The following ELMOD3 variants were observed in gnomAD, a reference collection of about 807,000 sequenced individuals.
The protein encoded by ELMOD3 is ELMO domain-containing protein 3.
ELMOD3 carries 36 observed loss-of-function variants against 47.4 expected under a neutral mutation model. That is an observed-to-expected ratio of 0.76 (90% CI 0.58 to 1.00). The LOEUF (loss-of-function observed/expected upper bound fraction) is 1.00, where lower values mean the gene tolerates loss of function less well. Among genes scored for constraint, ELMOD3 ranks in the 50% least tolerant of loss-of-function variants. The pLI is 0.00. For missense variants in ELMOD3, 404 were observed against 463.8 expected, an observed-to-expected ratio of 0.87 and a Z score of 1.18; for synonymous variants, 149 against 183.5, an observed-to-expected ratio of 0.81 and a Z score of 1.52.
intron 11 of ELMOD3, among the ~76,000 whole-genome samples, chr2:85,378,945 G>A (rs1220236947): frequency 6.6e-6 from 1 of 152,152 alleles, no homozygotes; most frequent in Non-Finnish European, 1.5e-5. Flanking sequence ...AAAATACGGG[G>A]AGGAAGTGAA....
intron 13 of ELMOD3, 37 bp from the exon 14 acceptor site, chr2:85,390,723 C>T: frequency 6.5e-7 from 1 of 1,547,668 alleles, no homozygotes; most frequent in East Asian, 2.4e-5. Flanking sequence ...CCCAGAGCCC[C>T]CTCAAGCCTT....
intron 6 of ELMOD3, among the ~76,000 whole-genome samples, chr2:85,364,825 A>ATATAAT (rs375582916): frequency 1.4e-5 from 1 of 69,892 alleles, no homozygotes; most frequent in Non-Finnish European, 2.5e-5. Context: ...ATATATATAT[A>ATATAAT]TTTTTTTTTT....
chr2:85,384,596 T>C (rs1685802366), intron 11 of ELMOD3, among the ~76,000 whole-genome samples: 1 of 152,098 alleles, frequency 6.6e-6, no homozygotes, highest in Admixed American at 6.6e-5. Context: ...CCATTTTATT[T>C]TTATTTTTTA....
intron 11 of ELMOD3, among the ~76,000 whole-genome samples, chr2:85,387,431 G>T (rs1353750383): frequency 3.9e-5 from 6 of 152,178 alleles, no homozygotes. Flanking sequence ...GGAGGCTGAG[G>T]TGGGCAGATC....
chr2:85,377,155 G>C (rs965556081), intron 10 of ELMOD3, among the ~76,000 whole-genome samples, 189 bp from the exon 11 acceptor site: 1 of 152,224 alleles, frequency 6.6e-6, no homozygotes, highest in South Asian at 2.1e-4. Context: ...AGGGCGCTGG[G>C]GTCCCCATTT....
At position 85,357,221 on chromosome 2, in the gene ELMOD3, T is replaced by C. The variant is rs1683624408; in HGVS notation, c.23T>C (p.Phe8Ser). 6 of 1,608,904 alleles carry C rather than the reference T, an allele frequency of 3.7e-6. No homozygotes were observed. The highest frequency in any genetic ancestry group is 3.4e-5 in the Admixed American group (2 of 59,198). The stretch of plus-strand genomic sequence containing the variant: ...GTCATGAATGAAAAATCTTGCTCTT[T>C]CCATAGTAAAGAAGAATTAAGAGAT... MNEKSCS[F>S]HSKEELRDGQ... is the part of the protein sequence containing the mutation. Residue 8 changes from phenylalanine (F) to serine (S), a missense_variant, in exon 4 of 14, where the codon TTC becomes TCC. Physicochemically the swap from Phe to Ser is radical, Grantham distance 155. Transcript: ENST00000409013.
chr2:85,366,528 G>C (rs1490428516), intron 6 of ELMOD3, among the ~76,000 whole-genome samples: 2 of 152,150 alleles, frequency 1.3e-5, no homozygotes, highest in Non-Finnish European at 2.9e-5. Flanking sequence ...CACCTATGTT[G>C]ATAATAATAG....
Position 85,390,149 on chromosome 2 carries a change from G to A in ELMOD3, c.827G>A (p.Arg276Gln), listed in dbSNP as rs201598188. 1.4e-4 allele frequency: 225 copies of A among 1,614,040 alleles called. 1 individual carries two copies. The East Asian group carries it at 1.9e-3, about 14-fold the overall frequency. ...CCTTTTTCCTGCAGAGAGTGTAATC[G>A]GCAGCAGAAGGTCATCCCCGTGGTG... The part of the protein sequence containing the change: ...REECLSRECN[R>Q]QQKVIPVVNS... Residue 276 changes from arginine (R) to glutamine (Q), a missense_variant, in exon 13 of 14, where the codon CGG becomes CAG. Transcript: ENST00000409013.
chr2:85,363,140 C>T lies in ELMOD3; in HGVS notation c.173C>T (p.Thr58Ile), dbSNP rs371908680. The change falls in exon 6 of 14, where the codon ACA becomes ATA. Residue 58 changes from threonine to isoleucine, a missense_variant. Thr to Ile is a moderately conservative substitution (Grantham distance 89, BLOSUM62 -1). Coordinates refer to ENST00000409013, the MANE Select transcript of ELMOD3 (RefSeq NM_001135022.2). Reference sequence around the variant, plus strand: ...CATGGCATTCTCCAGGCTCTGACCACAGAAGCTTATGAATGGGAGCCACGT... The same window carrying T: ...CATGGCATTCTCCAGGCTCTGACCATAGAAGCTTATGAATGGGAGCCACGT... Reference protein sequence around the residue: ...KNHGILQALTTEAYEWEPRVV... With the variant: ...KNHGILQALTIEAYEWEPRVV... 10 of 1,612,278 alleles carry T rather than the reference C, an allele frequency of 6.2e-6. No individual in the cohort carries two copies. Among genetic ancestry groups the T allele is most frequent in the Non-Finnish European group, 8.5e-6 (10 of 1,178,548 alleles).
At chr2:85,389,712 A>G (rs1179732868) in intron 11 of ELMOD3, 39 bp from the exon 12 acceptor site, 1 of 1,577,952 alleles carries the variant, frequency 6.3e-7, no homozygotes, top group South Asian at 1.1e-5. Flanking sequence ...ACACAGTGAG[A>G]GCTGGAGTTG....
intron 11 of ELMOD3, among the ~76,000 whole-genome samples, chr2:85,386,577 G>A (rs898168849): frequency 4.6e-5 from 7 of 151,904 alleles, no homozygotes; most frequent in Non-Finnish European, 1.0e-4. Flanking sequence ...GAGAGACAGC[G>A]TTTCACCATG....
At chr2:85,361,324 C>G (rs17734981) in intron 4 of ELMOD3, among the ~76,000 whole-genome samples, 27,702 of 152,118 alleles carry the variant, frequency 0.18, 3,297 homozygotes, top group Non-Finnish European at 0.27. Context: ...GCCAGGAAAT[C>G]GGTATAAAAT....
At chr2:85,386,183 A>C (rs1685908014) in intron 11 of ELMOD3, among the ~76,000 whole-genome samples, 1 of 152,194 alleles carries the variant, frequency 6.6e-6, no homozygotes, top group African/African-American at 2.4e-5. Context: ...TTCTAAGCCC[A>C]AACGTGAGGC....
intron 11 of ELMOD3, among the ~76,000 whole-genome samples, chr2:85,384,819 A>G (rs748240804): frequency 2.6e-5 from 4 of 151,902 alleles, no homozygotes; most frequent in Non-Finnish European, 5.9e-5. Flanking sequence ...TCTATCCCAT[A>G]TTCATGGGAC....
chr2:85,379,837 G>A lies in ELMOD3; in HGVS notation c.738+2363G>A, dbSNP rs886254190. Among the ~76,000 whole-genome samples, 14 of 152,186 alleles carry A rather than the reference G, an allele frequency of 9.2e-5. 1 individual carries two copies. In the East Asian group the frequency reaches 2.7e-3, roughly 29 times the overall value. ...AGGCAAGACTTTTTTTTAAAGCCAA[G>A]CCTTGCCATGGATTTGTACCATCAA... On this transcript the variant is annotated intron_variant, in intron 11 of 13. Coordinates refer to ENST00000409013, the MANE Select transcript of ELMOD3 (RefSeq NM_001135022.2).
intron 11 of ELMOD3, among the ~76,000 whole-genome samples, chr2:85,389,226 C>A (rs375906109): frequency 6.6e-6 from 1 of 152,222 alleles, no homozygotes; most frequent in Non-Finnish European, 1.5e-5. Flanking sequence ...GATGGGGTGT[C>A]CCCCCAAGTC....
chr2:85,383,652 A>G (rs1685740185), intron 11 of ELMOD3, among the ~76,000 whole-genome samples: 1 of 152,142 alleles, frequency 6.6e-6, no homozygotes, highest in African/African-American at 2.4e-5. Flanking sequence ...TGGGGAGATC[A>G]GGGATTCTCT....
chr2:85,390,158 A>T lies in ELMOD3; in HGVS notation c.836A>T (p.Lys279Met). ...CLSRECNRQQ[K>M]VIPVVNSFYA... is the part of the protein sequence containing the mutation. ...TGCAGAGAGTGTAATCGGCAGCAGA[A>T]GGTCATCCCCGTGGTGAACAGCTTC... The change falls in exon 13 of 14, where the codon AAG becomes ATG. Residue 279 changes from lysine to methionine, a missense_variant. Transcript: ENST00000409013. The T allele has an allele frequency of 6.2e-7, 1 of 1,614,176 alleles. No individual in the cohort carries two copies. The highest frequency in any genetic ancestry group is 8.5e-7 in the Non-Finnish European group (1 of 1,180,024).
In ELMOD3 at chr2:85,376,929, T is replaced by G. The variant is rs1373279189; in HGVS notation, c.608-415T>G. 6.6e-6 allele frequency: 1 copy of G among 152,590 alleles called. No homozygotes were observed. Among genetic ancestry groups the G allele is most frequent in the Non-Finnish European group, 1.5e-5 (1 of 68,300 alleles). 9.5% of individuals were successfully genotyped at this position (152,590 alleles called of 1,614,324 possible). A position where few individuals can be genotyped will look rare whatever the true frequency, so the allele number is the denominator to read the frequency against. ...CTCAAGATTCCTAGTAAGTCTGTCT[T>G]CCCTCCTTTCAGAGCCTTCTGTTTA... is the stretch of plus-strand genomic sequence containing the variant. On this transcript the variant is annotated intron_variant, in intron 10 of 13. Transcript: ENST00000409013. This position sits in a 1 kb window ranked among gnomAD's most constrained non-coding sequence, Gnocchi z 4.2.
Sources: gnomAD v4.1 joint callset for allele counts (sites outside exome capture counted in the v4.1 genomes callset) on GRCh38, gnomAD v4.1.1 for gene constraint, Gnocchi (gnomAD v3.1) non-coding constraint, MANE v1.5 for transcripts, NCBI Gene and HGNC (gene_info 2026-07-23, HGNC 2026-07-21) for gene names.